Variants in ITGBL1 observed in about 807,000 individuals in gnomAD.
ITGBL1 encodes the protein integrin subunit beta like 1.
Under a neutral mutation model 68.5 loss-of-function variants are expected in ITGBL1, and 51 were observed. The ratio of observed to expected loss-of-function variants is 0.74; its 90% CI spans 0.59 to 0.94. The LOEUF is 0.94. ITGBL1 is among the 40% of genes least tolerant of loss of function. ITGBL1 has a pLI of 0.00. For missense variants in ITGBL1, 649 were observed against 647.4 expected (o/e 1.00, Z -0.03); for synonymous variants, 209 against 227.3 (o/e 0.92, Z 0.72).
Position 101,598,243 on chromosome 13 carries a change from C to T in ITGBL1, c.959C>T (p.Ala320Val). 2 of 1,613,670 alleles carry T rather than the reference C, an allele frequency of 1.2e-6. No homozygotes were observed. Among genetic ancestry groups the T allele is most frequent in the Non-Finnish European group, 1.7e-6 (2 of 1,179,860 alleles). ...CACCCACAGTCCTGCACGCTGTCAG[C>T]TGAGGAGAGCATCAGGAAGTGCCAG... Reference protein sequence around the residue: ...CEHPQSCTLSAEESIRKCQGS... With the variant: ...CEHPQSCTLSVEESIRKCQGS... Residue 320 changes from alanine (A) to valine (V), a missense_variant, in exon 7 of 11, where the codon GCT becomes GTT. Ala to Val is a moderately conservative substitution (Grantham distance 64). Transcript: ENST00000376180.
chr13:101,496,555 A>G (rs1398303273), intron 2 of ITGBL1, among the ~76,000 whole-genome samples: 6 of 152,188 alleles, frequency 3.9e-5, no homozygotes, highest in Admixed American at 2.0e-4. Context: ...GAAAAAATCT[A>G]TTTTTAAGTC....
chr13:101,472,271 A>G (rs936053836), intron 2 of ITGBL1, among the ~76,000 whole-genome samples: 3 of 152,240 alleles, frequency 2.0e-5, no homozygotes, highest in Non-Finnish European at 2.9e-5. Flanking sequence ...CTCTTAGTGT[A>G]AATGTATGTT....
chr13:101,593,213 A>G (rs1417649702), intron 6 of ITGBL1, among the ~76,000 whole-genome samples: 1 of 151,772 alleles, frequency 6.6e-6, no homozygotes, highest in African/African-American at 2.4e-5. Context: ...ATACCTCTTC[A>G]CTCCAGTTAG....
intron 2 of ITGBL1, among the ~76,000 whole-genome samples, chr13:101,563,662 G>A (rs768657518): frequency 2.0e-5 from 3 of 151,760 alleles, no homozygotes; most frequent in Non-Finnish European, 3.0e-5. Context: ...TTAAACATTT[G>A]TAAAAATGAA....
At chr13:101,546,974 A>G (rs2049836100) in intron 2 of ITGBL1, among the ~76,000 whole-genome samples, 1 of 152,046 alleles carries the variant, frequency 6.6e-6, no homozygotes, top group South Asian at 2.1e-4. Context: ...TTAGAAAGAA[A>G]AGAATAATAA....
intron 3 of ITGBL1, among the ~76,000 whole-genome samples, chr13:101,568,153 G>T (rs895104143): frequency 5.9e-5 from 9 of 152,044 alleles, no homozygotes; most frequent in African/African-American, 9.7e-5. Context: ...TGTTAAAAAG[G>T]ATTTATATAA....
intron 2 of ITGBL1, among the ~76,000 whole-genome samples, chr13:101,478,472 G>A (rs1179755182): frequency 6.6e-6 from 1 of 152,040 alleles, no homozygotes; most frequent in Non-Finnish European, 1.5e-5. Flanking sequence ...AGTACTGGAA[G>A]TCCTAGTCAG....
chr13:101,539,208 C>A (rs1419672342), intron 2 of ITGBL1, among the ~76,000 whole-genome samples: 1 of 138,312 alleles, frequency 7.2e-6, no homozygotes, highest in East Asian at 2.4e-4. Context: ...CCCCCTCCCC[C>A]CACTCCACAA....
chr13:101,509,956 T>C (rs1048002484), intron 2 of ITGBL1, among the ~76,000 whole-genome samples: 2 of 152,150 alleles, frequency 1.3e-5, no homozygotes, highest in African/African-American at 4.8e-5. Context: ...GCAGTGATCT[T>C]GAAAGAACAA....
chr13:101,624,939 G>A (rs2031719226), intron 7 of ITGBL1, among the ~76,000 whole-genome samples: 1 of 152,178 alleles, frequency 6.6e-6, no homozygotes, highest in Non-Finnish European at 1.5e-5. Flanking sequence ...AAGAGGTTTT[G>A]CGGTACAGCT....
At chr13:101,552,828 A>G (rs1042768514) in intron 2 of ITGBL1, among the ~76,000 whole-genome samples, 1 of 152,246 alleles carries the variant, frequency 6.6e-6, no homozygotes, top group Non-Finnish European at 1.5e-5. Flanking sequence ...TTGAGTGATC[A>G]TAACATTTGT....
At chr13:101,652,871 G>A (rs2032794504) in intron 7 of ITGBL1, among the ~76,000 whole-genome samples, 1 of 152,088 alleles carries the variant, frequency 6.6e-6, no homozygotes, top group Non-Finnish European at 1.5e-5. Flanking sequence ...GCCGAGGCGG[G>A]CAGATCACTG....
intron 2 of ITGBL1, among the ~76,000 whole-genome samples, chr13:101,507,642 T>C (rs1566706874): frequency 1.3e-5 from 2 of 152,292 alleles, no homozygotes; most frequent in East Asian, 3.9e-4. Flanking sequence ...GCGTCATTTC[T>C]GGCTGGTGTT....
chr13:101,685,101 A>G (rs1347510740), intron 7 of ITGBL1, among the ~76,000 whole-genome samples: 1 of 151,982 alleles, frequency 6.6e-6, no homozygotes, highest in African/African-American at 2.4e-5. Flanking sequence ...ATTTCAGACA[A>G]ATTTGAGAAT....
chr13:101,525,537 T>TTTTA (rs35923593), intron 2 of ITGBL1, among the ~76,000 whole-genome samples: 8 of 148,826 alleles, frequency 5.4e-5, no homozygotes, highest in African/African-American at 7.4e-5. Context: ...TTTTTTTTTT[T>TTTTA]ATGTGGAAAA....
chr13:101,624,278 C>G (rs2031693650), intron 7 of ITGBL1, among the ~76,000 whole-genome samples: 1 of 152,188 alleles, frequency 6.6e-6, no homozygotes, highest in Non-Finnish European at 1.5e-5. Context: ...AAAACTATTG[C>G]TTTAGCGAAA....
At chr13:101,689,910 T>C (rs1470087704) in intron 7 of ITGBL1, among the ~76,000 whole-genome samples, 14 of 152,220 alleles carry the variant, frequency 9.2e-5, no homozygotes, top group Non-Finnish European at 1.8e-4. Flanking sequence ...TAAGTTATTA[T>C]TGACTGTAGT....
chr13:101,567,768 CAACT>C lies in ITGBL1; in HGVS notation c.391_394del (p.Asn131ValfsTer3), dbSNP rs2050205012. ...TGGTATGGGGATGCTTGCCAGTACC[CAACT>C]AACTGTGACTTGACAAAGAAGAAAA... On this transcript the variant is annotated frameshift_variant, in exon 3 of 11. Transcript: ENST00000376180. LOFTEE classifies it high-confidence loss of function. 1 of 1,613,156 alleles carries C rather than the reference CAACT, an allele frequency of 6.2e-7. No individual in the cohort carries two copies. Among genetic ancestry groups the C allele is most frequent in the Non-Finnish European group, 8.5e-7 (1 of 1,179,336 alleles).
chr13:101,513,020 G>C (rs1451541599), intron 2 of ITGBL1, among the ~76,000 whole-genome samples: 1 of 151,984 alleles, frequency 6.6e-6, no homozygotes, highest in Non-Finnish European at 1.5e-5. Flanking sequence ...CAAGCATTTT[G>C]TCAACAACTT....
Sources: allele counts gnomAD v4.1 joint callset (sites outside exome capture counted in the v4.1 genomes callset), GRCh38; gene constraint gnomAD v4.1.1; transcripts MANE v1.5; gene names NCBI Gene and HGNC (gene_info 2026-07-23, HGNC 2026-07-21).